ARHGAP11A: variants seen among roughly 807,000 people sequenced by gnomAD.
ARHGAP11A encodes the protein rho GTPase-activating protein 11A.
A neutral mutation model predicts 60.5 loss-of-function variants in ARHGAP11A; 36 were observed. That is an observed-to-expected ratio of 0.59 (90% CI 0.46 to 0.79). ARHGAP11A has a LOEUF of 0.79. Ranked by LOEUF, ARHGAP11A falls within the 30% of genes least tolerant of loss-of-function variation. The probability of loss-of-function intolerance (pLI) is 0.00; values close to 1 mark genes in which losing one functional copy is unlikely to be tolerated. For missense variants in ARHGAP11A, 1,071 were observed against 1,199.2 expected, an observed-to-expected ratio of 0.89 and a Z score of 1.58; for synonymous variants, 362 against 415.5, an observed-to-expected ratio of 0.87 and a Z score of 1.57.
intron 8 of ARHGAP11A, among the ~76,000 whole-genome samples, chr15:32,631,410 C>T (rs879606468): frequency 4.9e-4 from 75 of 151,904 alleles, no homozygotes; most frequent in Admixed American, 1.8e-3. Context: ...ATTTTCCTGC[C>T]TCAGCCTCCC....
intron 6 of ARHGAP11A, among the ~76,000 whole-genome samples, chr15:32,626,800 G>A (rs1233864357): frequency 2.0e-5 from 3 of 152,222 alleles, no homozygotes; most frequent in Admixed American, 1.3e-4. Context: ...TTGCAGCCGC[G>A]TCACTCCAAT....
intron 9 of ARHGAP11A, 94 bp downstream of exon 9, chr15:32,633,202 T>A: frequency 2.1e-6 from 3 of 1,406,344 alleles, no homozygotes; most frequent in Non-Finnish European, 2.9e-6. Context: ...GCATCATATT[T>A]GAGTCATAAT....
chr15:32,633,144 A>G (rs752071069), intron 9 of ARHGAP11A, 36 bp downstream of exon 9: 8 of 1,610,978 alleles, frequency 5.0e-6, no homozygotes, highest in African/African-American at 1.3e-5. Context: ...TCATCGGATA[A>G]ATATTTGGTG....
chr15:32,637,977 A>C lies in ARHGAP11A; in HGVS notation c.*132A>C, dbSNP rs2053765091. On this transcript the variant is annotated 3_prime_UTR_variant, in exon 12 of 12. Transcript: ENST00000361627. The stretch of plus-strand genomic sequence containing the variant: ...AGATTTGCTCTATTGAAAATGTTTC[A>C]TTTTTTTCACTGTACAAGCAACTTA... 8.3e-6 allele frequency: 7 copies of C among 841,068 alleles called. No individual in the cohort carries two copies. Among genetic ancestry groups the C allele is most frequent in the Non-Finnish European group, 5.3e-6 (3 of 562,522 alleles). 52.1% of individuals were successfully genotyped at this position (841,068 alleles called of 1,614,324 possible).
intron 9 of ARHGAP11A, 146 bp downstream of exon 9, chr15:32,633,254 T>G: frequency 1.1e-6 from 1 of 887,768 alleles, no homozygotes. Flanking sequence ...ATTAATCAAT[T>G]GCCTTTTCAA....
intron 1 of ARHGAP11A, among the ~76,000 whole-genome samples, chr15:32,616,563 C>G (rs1220991060): frequency 6.6e-6 from 1 of 152,150 alleles, no homozygotes; most frequent in African/African-American, 2.4e-5. Flanking sequence ...GATTTTCCAA[C>G]TTCAGCACTA....
chr15:32,628,080 G>T (rs1018468918), intron 6 of ARHGAP11A, among the ~76,000 whole-genome samples: 1 of 152,174 alleles, frequency 6.6e-6, no homozygotes, highest in Admixed American at 6.5e-5. Context: ...AAAATGCTAG[G>T]ATTACAGGTG....
Position 32,639,785 on chromosome 15 carries a change from T to A in ARHGAP11A, c.*1940T>A, listed in dbSNP as rs550919488. The A allele has an allele frequency of 6.6e-6, 1 of 152,344 alleles. No homozygotes were observed. Among genetic ancestry groups the A allele is most frequent in the Admixed American group, 6.5e-5 (1 of 15,300 alleles). 9.4% of individuals were successfully genotyped at this position (152,344 alleles called of 1,614,324 possible). On this transcript the variant is annotated 3_prime_UTR_variant, in exon 12 of 12. Coordinates refer to ENST00000361627, the MANE Select transcript of ARHGAP11A (RefSeq NM_014783.6). Reference sequence around the variant, plus strand: ...AGCCAGAAAAGTTTTGTTTTAAACTTGATTTAATGCGTTTTTATTTTTTCT... The same window carrying A: ...AGCCAGAAAAGTTTTGTTTTAAACTAGATTTAATGCGTTTTTATTTTTTCT...
intron 1 of ARHGAP11A, among the ~76,000 whole-genome samples, chr15:32,618,778 C>T (rs1025930129): frequency 2.2e-5 from 3 of 138,656 alleles, no homozygotes; most frequent in African/African-American, 5.3e-5. Context: ...CCCCGCCCCA[C>T]GTCTCTACTA....
At position 32,634,064 on chromosome 15, in the gene ARHGAP11A, G is replaced by C. The variant is rs760703302; in HGVS notation, c.1344+23G>C. 6.0e-6 allele frequency: 9 copies of C among 1,499,776 alleles called. No individual in the cohort carries two copies. The East Asian group carries it at 6.9e-5, about 12-fold the overall frequency. The allele number at this position is 1,499,776 out of a possible 1,614,324, so 92.9% of individuals were successfully genotyped here. ...GTAGTAAGTTTCTTACCATTTTATT[G>C]ATCTTTATATTAGCATAACGCTATA... On this transcript the variant is annotated intron_variant, in intron 10 of 11. Coordinates refer to ENST00000361627, the MANE Select transcript of ARHGAP11A (RefSeq NM_014783.6).
At chr15:32,625,380 C>T (rs2140455482) in intron 5 of ARHGAP11A, 107 bp from the exon 6 acceptor site, 5 of 1,490,470 alleles carry the variant, frequency 3.4e-6, no homozygotes, top group Middle Eastern at 3.6e-4. Context: ...ACCGGCCCCT[C>T]CTGCAAAGAA....
rs1595779569 is a variant in ARHGAP11A at position 32,637,631 on chromosome 15, T to C, written c.2858T>C (p.Leu953Ser). The stretch of plus-strand genomic sequence containing the variant: ...ACTACAGTTTATAAACAGAAGATCT[T>C]ATCTGATGGCCAAGTTAAGGTTCCC... ...RSTTVYKQKI[L>S]SDGQVKVPLD... The change falls in exon 12 of 12, where the codon TTA becomes TCA. Residue 953 changes from leucine (L) to serine (S), a missense_variant. Around this residue, in one of 4 missense-constraint regions of ARHGAP11A, gnomAD observed 776 missense variants for 760.2 expected, o/e 1.02. Transcript: ENST00000361627. The C allele has an allele frequency of 6.2e-7, 1 of 1,614,200 alleles. No homozygotes were observed. The highest frequency in any genetic ancestry group is 8.5e-7 in the Non-Finnish European group (1 of 1,180,036).
Position 32,625,209 on chromosome 15 carries a change from A to G in ARHGAP11A, c.681A>G (p.Val227=). 6.2e-7 allele frequency: 1 copy of G among 1,613,748 alleles called. No individual in the cohort carries two copies. The highest frequency in any genetic ancestry group is 8.5e-7 in the Non-Finnish European group (1 of 1,179,774). ...AGAAGCTACGATTACAGGCTGCAGT[A>G]GTACAGACTCTTATCGATTATGCAT... The part of the protein sequence containing the change: ...TEKKLRLQAA[V]VQTLIDYASD... The change falls in exon 5 of 12, where the codon GTA becomes GTG. Residue 227 remains valine, a synonymous_variant. Coordinates refer to ENST00000361627, the MANE Select transcript of ARHGAP11A (RefSeq NM_014783.6).
chr15:32,621,063 C>A (rs1040166430), intron 2 of ARHGAP11A, among the ~76,000 whole-genome samples: 16 of 149,618 alleles, frequency 1.1e-4, no homozygotes, highest in Admixed American at 3.4e-4. Context: ...AGAGTGAGAC[C>A]ATGTCTCTTG....
chr15:32,616,710 T>C (rs1318345506), intron 1 of ARHGAP11A, among the ~76,000 whole-genome samples: 2 of 152,198 alleles, frequency 1.3e-5, no homozygotes, highest in Admixed American at 1.3e-4. Context: ...ATTAAAAATG[T>C]CTCCGGATAT....
intron 6 of ARHGAP11A, among the ~76,000 whole-genome samples, chr15:32,626,585 G>A (rs2053462941): frequency 6.6e-6 from 1 of 152,100 alleles, no homozygotes; most frequent in South Asian, 2.1e-4. Flanking sequence ...TAATACTGAT[G>A]ACTTATGTAT....
In ARHGAP11A at chr15:32,637,394, T is replaced by C; in HGVS notation, c.2621T>C (p.Val874Ala). 6.2e-7 allele frequency: 1 copy of C among 1,614,138 alleles called. No individual in the cohort carries two copies. The highest frequency in any genetic ancestry group is 8.5e-7 in the Non-Finnish European group (1 of 1,179,978). The part of the protein sequence containing the change: ...GDTASPLVKS[V>A]SCDGALSSCI... ...ACAGCTTCTCCTTTGGTCAAATCAG[T>C]GAGCTGTGACGGTGCTCTTTCCTCT... The change falls in exon 12 of 12, where the codon GTG becomes GCG. Residue 874 changes from valine (V) to alanine (A), a missense_variant. Val to Ala is a moderately conservative substitution (Grantham distance 64). This residue lies in a region of ARHGAP11A where 776 missense variants were observed against 760.2 expected (regional missense o/e 1.02). Coordinates refer to ENST00000361627, the MANE Select transcript of ARHGAP11A (RefSeq NM_014783.6).
intron 9 of ARHGAP11A, among the ~76,000 whole-genome samples, chr15:32,633,557 A>G (rs2053633651): frequency 6.6e-6 from 1 of 152,132 alleles, no homozygotes; most frequent in Non-Finnish European, 1.5e-5. Flanking sequence ...TGAGAGGATC[A>G]TCTGAGCCCA....
chr15:32,628,104 C>G (rs2053507926), intron 6 of ARHGAP11A, among the ~76,000 whole-genome samples: 1 of 152,218 alleles, frequency 6.6e-6, no homozygotes, highest in South Asian at 2.1e-4. Context: ...GCCACTGCAC[C>G]TGGCCAAGGC....
Sources: gnomAD v4.1 joint callset for allele counts (sites outside exome capture counted in the v4.1 genomes callset) on GRCh38, gnomAD v4.1.1 for gene constraint, gnomAD v4.1.1 regional missense constraint, MANE v1.5 for transcripts, NCBI Gene and HGNC (gene_info 2026-07-23, HGNC 2026-07-21) for gene names.